The following ZNF385D variants were observed in gnomAD, a reference collection of about 807,000 sequenced individuals.
ZNF385D encodes the protein zinc finger protein 385D.
In ZNF385D, 15 loss-of-function variants were observed where a neutral mutation model predicts 35.8. That is an observed-to-expected ratio of 0.42 (90% confidence interval 0.28 to 0.64). The LOEUF (loss-of-function observed/expected upper bound fraction) is 0.64. Among genes scored for constraint, ZNF385D ranks in the 30% least tolerant of loss-of-function variants. The probability of loss-of-function intolerance (pLI) is 0.23; values close to 1 mark genes in which losing one functional copy is unlikely to be tolerated. For missense variants in ZNF385D, 474 were observed against 494.6 expected (o/e 0.96, Z 0.39); for synonymous variants, 212 against 186.8 (o/e 1.13, Z -1.10).
rs368620141 is a variant in ZNF385D, at chr3:22,281,256, G to C, written c.106+91194C>G. Among the ~76,000 whole-genome samples, 6 of 151,992 alleles carry C rather than the reference G, an allele frequency of 3.9e-5. No homozygotes were observed. The East Asian group carries it at 5.8e-4, about 15-fold the overall frequency. ...TTCTCTTGTCTGACTGCTCTGGCTA[G>C]GATTTCCAGTACTATGTTGAATAGA... On this transcript the variant is annotated intron_variant, in intron 2 of 5. Coordinates refer to the ZNF385D transcript ENST00000494108.
chr3:21,796,433 A>T (rs1159767418), intron 3 of ZNF385D, among the ~76,000 whole-genome samples: 1 of 152,236 alleles, frequency 6.6e-6, no homozygotes, highest in Non-Finnish European at 1.5e-5. Flanking sequence ...AAAATTAGAC[A>T]TCACTACCAA....
intron 3 of ZNF385D, among the ~76,000 whole-genome samples, chr3:22,094,285 G>C (rs984544155): frequency 6.9e-6 from 1 of 144,628 alleles, no homozygotes; most frequent in Non-Finnish European, 1.5e-5. Context: ...ATTTATCCTT[G>C]AATGCACACT....
chr3:22,314,332 C>CT (rs1703764381), intron 2 of ZNF385D, among the ~76,000 whole-genome samples: 1 of 152,084 alleles, frequency 6.6e-6, no homozygotes. Context: ...CCTTTGCACC[C>CT]TCATAGCTTA....
chr3:22,050,736 AATTC>A (rs1699300972), intron 3 of ZNF385D, among the ~76,000 whole-genome samples: 2 of 152,212 alleles, frequency 1.3e-5, no homozygotes, highest in African/African-American at 4.8e-5. Flanking sequence ...AAATTATATT[AATTC>A]ATTGTGTATT....
intron 2 of ZNF385D, among the ~76,000 whole-genome samples, chr3:22,241,473 C>T (rs770203001): frequency 6.6e-6 from 1 of 151,246 alleles, no homozygotes; most frequent in Non-Finnish European, 1.5e-5. Flanking sequence ...CTTGCTTCAT[C>T]CACTGACTCA....
At chr3:21,879,201 T>C (rs948643964) in intron 3 of ZNF385D, among the ~76,000 whole-genome samples, 2 of 151,998 alleles carry the variant, frequency 1.3e-5, no homozygotes, top group Non-Finnish European at 2.9e-5. Context: ...AAAAAAATCC[T>C]GTGTTTGTCA....
chr3:21,918,216 A>G (rs563469624), intron 3 of ZNF385D, among the ~76,000 whole-genome samples: 10 of 152,256 alleles, frequency 6.6e-5, no homozygotes, highest in African/African-American at 1.7e-4. Flanking sequence ...TCTGCGTGCT[A>G]TATGGTCTAT....
At chr3:22,116,558 T>C (rs1388885226) in intron 3 of ZNF385D, among the ~76,000 whole-genome samples, 1 of 152,018 alleles carries the variant, frequency 6.6e-6, no homozygotes, top group African/African-American at 2.4e-5. Flanking sequence ...AAGGAGAAGA[T>C]ATAAAGAAAT....
chr3:22,039,449 T>G (rs1238216600), intron 3 of ZNF385D, among the ~76,000 whole-genome samples: 1 of 152,104 alleles, frequency 6.6e-6, no homozygotes, highest in African/African-American at 2.4e-5. Context: ...TGCCCTTATC[T>G]TCCTGTCTCC....
intron 3 of ZNF385D, among the ~76,000 whole-genome samples, chr3:21,873,385 G>A (rs1697796903): frequency 6.6e-6 from 1 of 152,096 alleles, no homozygotes; most frequent in Admixed American, 6.6e-5. Context: ...AAGTGGCATA[G>A]CCATGATATA....
chr3:21,990,253 T>C (rs1695077491), intron 3 of ZNF385D, among the ~76,000 whole-genome samples: 2 of 152,212 alleles, frequency 1.3e-5, no homozygotes. Flanking sequence ...TTATTGGCAC[T>C]GGCATAAATG....
intron 3 of ZNF385D, among the ~76,000 whole-genome samples, chr3:21,957,554 G>C (rs1371675732): frequency 6.6e-6 from 1 of 152,040 alleles, no homozygotes; most frequent in Non-Finnish European, 1.5e-5. Context: ...TTTTGTTTTA[G>C]CAAAACTCAC....
intron 2 of ZNF385D, among the ~76,000 whole-genome samples, chr3:22,256,805 T>C (rs1052854830): frequency 2.0e-5 from 3 of 151,902 alleles, no homozygotes; most frequent in African/African-American, 7.2e-5. Flanking sequence ...CTTCAATGTG[T>C]TGTAATGAAC....
chr3:22,183,716 G>A (rs1695439238), intron 2 of ZNF385D, among the ~76,000 whole-genome samples: 1 of 145,158 alleles, frequency 6.9e-6, no homozygotes, highest in African/African-American at 2.7e-5. Context: ...TTAAAAATGG[G>A]TTTAGTAGAT....
intron 3 of ZNF385D, among the ~76,000 whole-genome samples, chr3:22,142,997 G>A (rs776042448): frequency 7.9e-5 from 12 of 151,148 alleles, no homozygotes; most frequent in Non-Finnish European, 1.5e-4. Context: ...TTCCTCTGGG[G>A]TCATGAATGA....
intron 3 of ZNF385D, among the ~76,000 whole-genome samples, chr3:22,044,375 A>G (rs1477195849): frequency 6.6e-6 from 1 of 152,078 alleles, no homozygotes; most frequent in African/African-American, 2.4e-5. Flanking sequence ...TCACATCCCA[A>G]ACTGGCCTAG....
intron 1 of ZNF385D, among the ~76,000 whole-genome samples, chr3:21,679,257 C>T (rs953224147): frequency 2.6e-5 from 4 of 151,922 alleles, no homozygotes; most frequent in Non-Finnish European, 2.9e-5. Flanking sequence ...ACTATAGTAA[C>T]TATTCTTAAT....
At chr3:21,886,460 C>T (rs1438220500) in intron 3 of ZNF385D, among the ~76,000 whole-genome samples, 1 of 152,038 alleles carries the variant, frequency 6.6e-6, no homozygotes, top group African/African-American at 2.4e-5. Context: ...CACCTCCCGT[C>T]CTCTCTGAGC....
chr3:21,970,621 G>GAC (rs1183563693), intron 3 of ZNF385D, among the ~76,000 whole-genome samples: 1 of 151,972 alleles, frequency 6.6e-6, no homozygotes, highest in Non-Finnish European at 1.5e-5. Context: ...GAGAGAGAGA[G>GAC]AGAGAAATTG....
Sources: allele counts gnomAD v4.1 joint callset (sites outside exome capture counted in the v4.1 genomes callset), GRCh38; gene constraint gnomAD v4.1.1; transcripts MANE v1.5; gene names NCBI Gene and HGNC (gene_info 2026-07-23, HGNC 2026-07-21).